The following CELF2 variants were observed in gnomAD, a reference collection of about 807,000 sequenced individuals.
The protein encoded by CELF2 is CUG triplet repeat RNA-binding protein 2.
CELF2 carries 8 observed loss-of-function variants against 62.6 expected under a neutral mutation model. The ratio of observed to expected loss-of-function variants is 0.13; its 90% confidence interval spans 0.07 to 0.23. The LOEUF (loss-of-function observed/expected upper bound fraction) is 0.23, where lower values mean the gene tolerates loss of function less well. Among genes scored for constraint, CELF2 ranks in the 10% least tolerant of loss-of-function variants. The pLI, the probability that CELF2 is intolerant of heterozygous loss-of-function variation, is 1.00. For missense variants in CELF2, 333 were observed against 671.0 expected, an observed-to-expected ratio of 0.50 and a Z score of 5.56; for synonymous variants, 258 against 250.0, an observed-to-expected ratio of 1.03 and a Z score of -0.30.
At chr10:10,965,357 G>C (rs769322957) in intron 2 of CELF2, among the ~76,000 whole-genome samples, 1 of 152,098 alleles carries the variant, frequency 6.6e-6, no homozygotes, top group Non-Finnish European at 1.5e-5. Flanking sequence ...ATTCTCCCCA[G>C]GGACAAATCA....
At chr10:10,878,178 C>T (rs2133582490) in intron 1 of CELF2, among the ~76,000 whole-genome samples, 1 of 152,260 alleles carries the variant, frequency 6.6e-6, no homozygotes, top group South Asian at 2.1e-4. Flanking sequence ...CCTATAGGAT[C>T]CCATCTATTA....
rs570358983 is a variant in CELF2 at position 11,269,366 on chromosome 10, A to G, written c.619-1300A>G. Among the ~76,000 whole-genome samples the G allele has an allele frequency of 7.9e-5, 12 of 152,312 alleles. No homozygotes were observed. The highest frequency in any genetic ancestry group is 3.4e-3 in the Middle Eastern group (1 of 294). The stretch of plus-strand genomic sequence containing the variant: ...ACTTTTTTTTATTAACAGACATGAT[A>G]TCCTCATGTATTCAGAACTGCATCC... On this transcript the variant is annotated intron_variant, in intron 6 of 12. Transcript: ENST00000633077. This position sits in a 1 kb window ranked among gnomAD's most constrained non-coding sequence, Gnocchi z 4.4.
chr10:10,945,483 G>C (rs556272445), intron 2 of CELF2, among the ~76,000 whole-genome samples: 30 of 152,330 alleles, frequency 2.0e-4, no homozygotes, highest in African/African-American at 6.7e-4. Flanking sequence ...AGGCCTGTTT[G>C]ATTTCCAGTT....
In CELF2 at chr10:11,269,446, G is replaced by A. The variant is rs2083108036; in HGVS notation, c.619-1220G>A. Among the ~76,000 whole-genome samples, 1 of 152,104 alleles carries A rather than the reference G, an allele frequency of 6.6e-6. No individual in the cohort carries two copies. Among genetic ancestry groups the A allele is most frequent in the African/African-American group, 2.4e-5 (1 of 41,412 alleles). ...AAATGCGTTTGTTTTCCAGAAAAGA[G>A]AAACATGACCCAAAGGGAATGGAAC... is the stretch of plus-strand genomic sequence containing the variant. On this transcript the variant is annotated intron_variant, in intron 6 of 12. Coordinates refer to ENST00000633077, the MANE Select transcript of CELF2 (RefSeq NM_001326342.2). This position sits in a 1 kb window ranked among gnomAD's most constrained non-coding sequence, Gnocchi z 4.4.
chr10:10,775,144 C>T, the CELF2 span, among the ~76,000 whole-genome samples: 2 of 152,010 alleles, frequency 1.3e-5, no homozygotes, highest in Non-Finnish European at 1.5e-5. Context: ...CCCAAAGTAC[C>T]GGGATTACAG....
At chr10:10,665,596 T>A in the CELF2 span, among the ~76,000 whole-genome samples, 1 of 152,208 alleles carries the variant, frequency 6.6e-6, no homozygotes, top group African/African-American at 2.4e-5. Context: ...AGTATCCATT[T>A]TGTAGTTGAA....
the CELF2 span, among the ~76,000 whole-genome samples, chr10:10,652,722 G>A: frequency 6.6e-6 from 1 of 152,010 alleles, no homozygotes; most frequent in African/African-American, 2.4e-5. Context: ...CCTGAAGGAA[G>A]TGCTAAACAT....
In CELF2 at chr10:11,243,012, G is replaced by A. The variant is rs998991809; in HGVS notation, c.355-6141G>A. On this transcript the variant is annotated intron_variant, in intron 3 of 12. Coordinates refer to ENST00000633077, the MANE Select transcript of CELF2 (RefSeq NM_001326342.2). The surrounding 1 kb of genome is among the most constrained non-coding windows in gnomAD (Gnocchi z 4.1). ...CAGAAGCTTAGCTTTGGGGTAGAAG[G>A]GACAGTGGGCCAGGGGCCTTCCCTC... 6.6e-6 allele frequency among the ~76,000 whole-genome samples: 1 copy of A among 152,148 alleles called. No homozygotes were observed. Among genetic ancestry groups the A allele is most frequent in the African/African-American group, 2.4e-5 (1 of 41,432 alleles).
the CELF2 span, among the ~76,000 whole-genome samples, chr10:10,544,232 A>G: frequency 3.3e-5 from 5 of 152,220 alleles, no homozygotes; most frequent in African/African-American, 4.8e-5. Flanking sequence ...CCTGTTGGCC[A>G]TCCAGGTGGA....
At chr10:10,694,248 T>G in the CELF2 span, among the ~76,000 whole-genome samples, 2 of 152,194 alleles carry the variant, frequency 1.3e-5, no homozygotes, top group African/African-American at 4.8e-5. Flanking sequence ...CATTTTTATT[T>G]CTGCCTTCAT....
At chr10:10,917,086 A>G (rs763866874) in intron 1 of CELF2, among the ~76,000 whole-genome samples, 5 of 152,118 alleles carry the variant, frequency 3.3e-5, no homozygotes, top group Non-Finnish European at 4.4e-5. Context: ...TATTTCATCA[A>G]TTTTACATCA....
intron 7 of CELF2, among the ~76,000 whole-genome samples, chr10:11,272,083 C>A (rs1439529717): frequency 6.6e-6 from 1 of 152,254 alleles, no homozygotes; most frequent in Non-Finnish European, 1.5e-5. Context: ...TGCCCAGTGC[C>A]CAGTGGGGTC....
intron 1 of CELF2, among the ~76,000 whole-genome samples, chr10:10,911,760 G>T (rs751899278): frequency 5.3e-5 from 8 of 152,192 alleles, no homozygotes; most frequent in Non-Finnish European, 1.0e-4. Flanking sequence ...AGAAAGTTTC[G>T]TTCCTATGAA....
chr10:10,514,314 A>T, the CELF2 span, among the ~76,000 whole-genome samples: 1 of 152,072 alleles, frequency 6.6e-6, no homozygotes, highest in East Asian at 1.9e-4. Flanking sequence ...TTTTTTTTTT[A>T]AATCAGTTGG....
At chr10:10,582,335 A>G in the CELF2 span, among the ~76,000 whole-genome samples, 1 of 152,140 alleles carries the variant, frequency 6.6e-6, no homozygotes, top group Admixed American at 6.6e-5. Context: ...TACCTTTTGG[A>G]TATGGGTCCT....
At chr10:11,205,237 G>A (rs111644098) in intron 2 of CELF2, among the ~76,000 whole-genome samples, 2,696 of 152,240 alleles carry the variant, frequency 0.018, 82 homozygotes, top group African/African-American at 0.062. Flanking sequence ...TTAGAAAAGC[G>A]GCTTCCCTAC....
intron 1 of CELF2, among the ~76,000 whole-genome samples, chr10:10,874,687 G>A (rs1374712738): frequency 6.6e-6 from 1 of 152,164 alleles, no homozygotes; most frequent in African/African-American, 2.4e-5. Context: ...CTAATGGGAA[G>A]TCGTGAAATT....
the CELF2 span, among the ~76,000 whole-genome samples, chr10:10,779,110 C>T: frequency 4.6e-5 from 7 of 152,308 alleles, no homozygotes; most frequent in Admixed American, 3.3e-4. Flanking sequence ...CACCCTTTCC[C>T]GCCTCCTTAT....
chr10:11,026,642 T>C (rs2059256026), intron 1 of CELF2, among the ~76,000 whole-genome samples: 1 of 152,226 alleles, frequency 6.6e-6, no homozygotes, highest in Non-Finnish European at 1.5e-5. Context: ...CAGCTTTCTC[T>C]GAAGTTGTCT....
Sources: allele counts gnomAD v4.1 joint callset (sites outside exome capture counted in the v4.1 genomes callset), GRCh38; gene constraint gnomAD v4.1.1; non-coding constraint Gnocchi (gnomAD v3.1); transcripts MANE v1.5; gene names NCBI Gene and HGNC (gene_info 2026-07-23, HGNC 2026-07-21).